The following RIC8B variants were observed in gnomAD, a reference collection of about 807,000 sequenced individuals.
RIC8B encodes the protein RIC8 guanine nucleotide exchange factor B.
Under a neutral mutation model 57.5 loss-of-function variants are expected in RIC8B, and 16 were observed. That is an observed-to-expected ratio of 0.28 (90% CI 0.19 to 0.42). RIC8B has a LOEUF of 0.42. RIC8B is among the 10% of genes least tolerant of loss of function. RIC8B has a pLI of 1.00. For synonymous variants in RIC8B, 216 were observed against 250.8 expected (o/e 0.86, Z 1.31); for missense variants, 481 against 677.0 (o/e 0.71, Z 3.21).
At chr12:106,851,402 C>T (rs1298620432) in intron 6 of RIC8B, 48 bp from the exon 7 acceptor site, 1 of 1,451,726 alleles carries the variant, frequency 6.9e-7, no homozygotes, top group South Asian at 1.1e-5. Context: ...CATCCTCACT[C>T]ACTCTAGTAG....
chr12:106,808,642 T>C (rs985580362), intron 2 of RIC8B, among the ~76,000 whole-genome samples: 2 of 152,188 alleles, frequency 1.3e-5, no homozygotes, highest in African/African-American at 4.8e-5. Flanking sequence ...CTGTCTCACC[T>C]TATGTACCTA....
At chr12:106,842,024 A>G (rs972974262) in intron 4 of RIC8B, among the ~76,000 whole-genome samples, 34 of 152,194 alleles carry the variant, frequency 2.2e-4, no homozygotes, top group Non-Finnish European at 4.7e-4. Context: ...AGAAAGAGAG[A>G]AAAAACTCCA....
At chr12:106,878,764 C>T (rs571396571) in intron 9 of RIC8B, among the ~76,000 whole-genome samples, 29 of 151,978 alleles carry the variant, frequency 1.9e-4, no homozygotes, top group Non-Finnish European at 3.8e-4. Flanking sequence ...AAATAGCAGC[C>T]GCCCTCATTA....
chr12:106,774,943 C>T (rs1429035731), intron 1 of RIC8B, 114 bp downstream of exon 1: 1 of 799,158 alleles, frequency 1.3e-6, no homozygotes, highest in Non-Finnish European at 2.0e-6. Context: ...TGCTCTCCCC[C>T]GAAAACGTTT....
At chr12:106,862,982 A>T (rs1350609720) in intron 8 of RIC8B, among the ~76,000 whole-genome samples, 1 of 152,220 alleles carries the variant, frequency 6.6e-6, no homozygotes, top group East Asian at 1.9e-4. Flanking sequence ...GGTTTGTTGA[A>T]AGTTTTCAGA....
intron 8 of RIC8B, among the ~76,000 whole-genome samples, chr12:106,869,789 A>C (rs972280121): frequency 9.2e-5 from 14 of 152,120 alleles, no homozygotes; most frequent in Non-Finnish European, 1.6e-4. Flanking sequence ...AAATACAAAA[A>C]TTAGCCAGGC....
chr12:106,878,833 C>CCT (rs397785007), intron 9 of RIC8B, among the ~76,000 whole-genome samples: 1 of 151,872 alleles, frequency 6.6e-6, no homozygotes, highest in Non-Finnish European at 1.5e-5. Context: ...TTCCCCCCCC[C>CCT]TTTTCTTCTT....
intron 8 of RIC8B, among the ~76,000 whole-genome samples, chr12:106,864,823 C>T (rs1028272254): frequency 1.3e-5 from 2 of 152,160 alleles, no homozygotes; most frequent in African/African-American, 2.4e-5. Flanking sequence ...ACTCTGTACA[C>T]ATTCCCCTCC....
intron 2 of RIC8B, among the ~76,000 whole-genome samples, chr12:106,798,612 A>G (rs571546599): frequency 1.3e-4 from 19 of 151,924 alleles, no homozygotes; most frequent in South Asian, 8.3e-4. Context: ...CAGCCACTGT[A>G]CTTTTTTTTT....
intron 4 of RIC8B, among the ~76,000 whole-genome samples, chr12:106,827,104 G>A (rs2046138937): frequency 1.3e-5 from 2 of 152,120 alleles, no homozygotes; most frequent in African/African-American, 4.8e-5. Context: ...TTCAAATTTT[G>A]CGACTTGTCC....
In RIC8B at chr12:106,842,738, A is replaced by G. The variant is rs147450064; in HGVS notation, c.986A>G (p.Asn329Ser). 117 of 1,613,950 alleles carry G rather than the reference A, an allele frequency of 7.2e-5. No homozygotes were observed. The African/African-American group carries it at 1.4e-3, about 20-fold the overall frequency. ...KTAEKETVLK[N>S]NTMVYNGMNM... ...GCTGAGAAAGAAACAGTTTTGAAAA[A>G]CAATACCATGGTATACAATGGTATG... The change falls in exon 5 of 10, where the codon AAC becomes AGC. Residue 329 changes from asparagine to serine, a missense_variant. Coordinates refer to ENST00000392837, the MANE Select transcript of RIC8B (RefSeq NM_001330145.2).
chr12:106,778,431 T>TTTTG (rs776307067), intron 1 of RIC8B, among the ~76,000 whole-genome samples: 2 of 152,184 alleles, frequency 1.3e-5, no homozygotes, highest in South Asian at 2.1e-4. Flanking sequence ...AGGCAAGTTT[T>TTTTG]TTTGTTTGTT....
At chr12:106,817,780 G>A (rs955530959) in intron 3 of RIC8B, among the ~76,000 whole-genome samples, 4 of 147,582 alleles carry the variant, frequency 2.7e-5, no homozygotes, top group Admixed American at 2.1e-4. Flanking sequence ...AGCGGAGATC[G>A]CGCCACTGCA....
At chr12:106,817,590 C>T (rs956287814) in intron 3 of RIC8B, among the ~76,000 whole-genome samples, 1 of 151,792 alleles carries the variant, frequency 6.6e-6, no homozygotes, top group Non-Finnish European at 1.5e-5. Context: ...GAGGCCGAGG[C>T]GGGGAGATCA....
chr12:106,822,096 A>T (rs1171646103), intron 3 of RIC8B, among the ~76,000 whole-genome samples: 50 of 150,616 alleles, frequency 3.3e-4, no homozygotes, highest in African/African-American at 1.1e-3. Context: ...AAAAAAAAAA[A>T]AAAAAGAAGA....
chr12:106,839,947 A>T (rs1473490545), intron 4 of RIC8B, among the ~76,000 whole-genome samples: 1 of 152,010 alleles, frequency 6.6e-6, no homozygotes, highest in African/African-American at 2.4e-5. Context: ...GAGCCCGGGA[A>T]GTCAAGGCTG....
chr12:106,802,287 C>T (rs1201685908), intron 2 of RIC8B, among the ~76,000 whole-genome samples: 1 of 152,122 alleles, frequency 6.6e-6, no homozygotes, highest in African/African-American at 2.4e-5. Flanking sequence ...CTTTAAGTAT[C>T]CCTGGCACTG....
chr12:106,785,359 C>T (rs1279143943), intron 2 of RIC8B, among the ~76,000 whole-genome samples: 2 of 152,158 alleles, frequency 1.3e-5, no homozygotes, highest in African/African-American at 4.8e-5. Flanking sequence ...CTCAGGGGCA[C>T]CTCCTTCAGC....
At chr12:106,813,375 A>G (rs563645477) in intron 2 of RIC8B, among the ~76,000 whole-genome samples, 1 of 152,104 alleles carries the variant, frequency 6.6e-6, no homozygotes, top group African/African-American at 2.4e-5. Flanking sequence ...TATTTTTAGT[A>G]GAGACGGGGT....
Sources: gnomAD v4.1 joint callset for allele counts (sites outside exome capture counted in the v4.1 genomes callset) on GRCh38, gnomAD v4.1.1 for gene constraint, MANE v1.5 for transcripts, NCBI Gene and HGNC (gene_info 2026-07-23, HGNC 2026-07-21) for gene names.